MTMR9: variants seen among roughly 807,000 people sequenced by gnomAD.
The protein encoded by MTMR9 is myotubularin-related protein 9.
Under a neutral mutation model 69.5 loss-of-function variants are expected in MTMR9, and 39 were observed. The ratio of observed to expected loss-of-function variants is 0.56; its 90% CI spans 0.43 to 0.73. MTMR9 has a LOEUF of 0.73. Among genes scored for constraint, MTMR9 ranks in the 30% least tolerant of loss-of-function variants. The probability of loss-of-function intolerance (pLI) is 0.00; values close to 1 mark genes in which losing one functional copy is unlikely to be tolerated. For missense variants in MTMR9, 900 were observed against 671.2 expected (o/e 1.34, Z -3.77); for synonymous variants, 354 against 240.8 (o/e 1.47, Z -4.35).
At chr8:11,297,609 C>G (rs1431510047) in intron 2 of MTMR9, among the ~76,000 whole-genome samples, 1 of 150,744 alleles carries the variant, frequency 6.6e-6, no homozygotes, top group East Asian at 1.9e-4. Context: ...GAGAATTGAT[C>G]TGTAAGATGA....
chr8:11,330,233 C>G (rs533780003), downstream of MTMR9, among the ~76,000 whole-genome samples: 4 of 151,450 alleles, frequency 2.6e-5, no homozygotes, highest in East Asian at 7.9e-4. Context: ...GCCGCCCCGT[C>G]CGGGAGGGAG....
intron 1 of MTMR9, among the ~76,000 whole-genome samples, chr8:11,292,156 A>G (rs545954990): frequency 2.0e-5 from 3 of 152,286 alleles, no homozygotes; most frequent in East Asian, 3.9e-4. Context: ...CATGTTGTAT[A>G]TATCAATAGT....
At position 11,295,281 on chromosome 8, in the gene MTMR9, G is replaced by C. The variant is rs1196103459; in HGVS notation, c.270G>C (p.Leu90Phe). ...QLDIPGMEEC[L>F]NIASSIEALS... ...ATATTCCTGGAATGGAGGAATGCTT[G>C]AATATAGCCAGTTCCATTGAGGTAA... The change falls in exon 2 of 10, where the codon TTG becomes TTC. Residue 90 changes from leucine to phenylalanine, a missense_variant. Leu to Phe is a conservative substitution (Grantham distance 22). Coordinates refer to ENST00000221086, the MANE Select transcript of MTMR9 (RefSeq NM_015458.4). 1 of 1,600,278 alleles carries C rather than the reference G, an allele frequency of 6.2e-7. No individual in the cohort carries two copies. Among genetic ancestry groups the C allele is most frequent in the South Asian group, 1.1e-5 (1 of 90,340 alleles).
At position 11,285,001 on chromosome 8, in the gene MTMR9, T is replaced by C. The variant is rs369654482; in HGVS notation, c.113T>C (p.Leu38Pro). 17 of 1,613,610 alleles carry C rather than the reference T, an allele frequency of 1.1e-5. No individual in the cohort carries two copies. Among genetic ancestry groups the C allele is most frequent in the African/African-American group, 4.0e-5 (3 of 74,912 alleles). ...TGCCTGACGGGCCACCACTTGATCC[T>C]GTCCTCCCGGCAGGACAATACGGAG... is the stretch of plus-strand genomic sequence containing the variant. ...TLCLTGHHLILSSRQDNTEEL... is the reference protein window; with the variant it reads ...TLCLTGHHLIPSSRQDNTEEL... The change falls in exon 1 of 10, where the codon CTG becomes CCG. Residue 38 changes from leucine to proline, a missense_variant. Physicochemically the swap from Leu to Pro is moderately conservative, Grantham distance 98 (BLOSUM62 -3). Transcript: ENST00000221086.
chr8:11,331,340 C>T (rs772343710), downstream of MTMR9: 8 of 1,613,998 alleles, frequency 5.0e-6, no homozygotes, highest in South Asian at 1.1e-5. Context: ...GTCGATGCCT[C>T]TTCCACCTCC....
At position 11,311,159 on chromosome 8, in the gene MTMR9, C is replaced by G. The variant is rs182501815; in HGVS notation, c.971+1471C>G. On this transcript the variant is annotated intron_variant, in intron 6 of 9. Transcript: ENST00000221086. Reference sequence around the variant, plus strand: ...ATACACAGAAGCCTTAAAGTACATGCTCATCCCCTTCAGCCTAGTCATTAG... The same window carrying G: ...ATACACAGAAGCCTTAAAGTACATGGTCATCCCCTTCAGCCTAGTCATTAG... Among the ~76,000 whole-genome samples the G allele has an allele frequency of 2.6e-5, 4 of 152,238 alleles. No homozygotes were observed. In the East Asian group the frequency reaches 7.7e-4, roughly 29 times the overall value.
At chr8:11,286,373 G>C (rs1799155245) in intron 1 of MTMR9, among the ~76,000 whole-genome samples, 1 of 151,816 alleles carries the variant, frequency 6.6e-6, no homozygotes. Context: ...GCTGTATAAA[G>C]TCTTCAGTGG....
rs182176415 is a variant in MTMR9 at position 11,303,142 on chromosome 8, C to T, written c.418-1699C>T. Among the ~76,000 whole-genome samples the T allele has an allele frequency of 2.0e-3, 291 of 148,856 alleles. 1 individual carries two copies. The highest frequency in any genetic ancestry group is 6.9e-3 in the African/African-American group (277 of 40,028). ...AAGACCAAAAGACCAAGAGGAGCCA[C>T]GTTACTCTTTGAAGAACAAAAAGGT... On this transcript the variant is annotated intron_variant, in intron 3 of 9. Coordinates refer to ENST00000221086, the MANE Select transcript of MTMR9 (RefSeq NM_015458.4).
downstream of MTMR9, among the ~76,000 whole-genome samples, chr8:11,330,285 A>AG (rs1288516213): frequency 1.3e-5 from 2 of 148,678 alleles, no homozygotes; most frequent in African/African-American, 5.0e-5. Context: ...CCTGTCCGGG[A>AG]GGGAGGTGGG....
At chr8:11,336,362 C>T in the MTMR9 span, among the ~76,000 whole-genome samples, 1 of 152,244 alleles carries the variant, frequency 6.6e-6, no homozygotes, top group East Asian at 1.9e-4. Flanking sequence ...TCCTTTGGCT[C>T]TATGACCCAT....
Position 11,287,303 on chromosome 8 carries a change from T to A in MTMR9, c.182+2233T>A, listed in dbSNP as rs564437276. Among the ~76,000 whole-genome samples the A allele has an allele frequency of 3.9e-5, 6 of 152,334 alleles. No homozygotes were observed. In the East Asian group the frequency reaches 9.6e-4, roughly 24 times the overall value. On this transcript the variant is annotated intron_variant, in intron 1 of 9. Transcript: ENST00000221086. ...TACCTTTCCTTTCTTATTTACCTTT[T>A]ATGGTGGTTACTTTGCGCTCATTTG...
downstream of MTMR9, chr8:11,331,501 C>G (rs1801225502): frequency 6.2e-7 from 1 of 1,613,980 alleles, no homozygotes. Flanking sequence ...AACGCTGCCA[C>G]TGTTCGCAAA....
chr8:11,292,637 C>CT (rs986940484), intron 1 of MTMR9, among the ~76,000 whole-genome samples: 5 of 151,868 alleles, frequency 3.3e-5, no homozygotes, highest in African/African-American at 7.3e-5. Context: ...ATCCATATGT[C>CT]TTTTTTTTGC....
the MTMR9 span, among the ~76,000 whole-genome samples, chr8:11,335,392 G>A: frequency 3.9e-4 from 59 of 152,256 alleles, no homozygotes; most frequent in Non-Finnish European, 6.0e-4. Flanking sequence ...AGAAAGCTAC[G>A]AAGTTCTGAT....
intron 2 of MTMR9, 104 bp from the exon 3 acceptor site, chr8:11,299,919 C>T: frequency 1.6e-6 from 2 of 1,275,104 alleles, no homozygotes; most frequent in Non-Finnish European, 2.1e-6. Flanking sequence ...ATTCTGGGTG[C>T]CCATCATTAT....
intron 3 of MTMR9, among the ~76,000 whole-genome samples, chr8:11,303,518 G>A (rs955734236): frequency 6.6e-6 from 1 of 151,968 alleles, no homozygotes; most frequent in Non-Finnish European, 1.5e-5. Context: ...TTTAGAAACT[G>A]TGTTTTTTTT....
At chr8:11,295,525 C>G (rs1799524683) in intron 2 of MTMR9, among the ~76,000 whole-genome samples, 1 of 152,146 alleles carries the variant, frequency 6.6e-6, no homozygotes, top group South Asian at 2.1e-4. Flanking sequence ...TAGCTCAATT[C>G]CATGAGTTGC....
At chr8:11,296,351 C>T (rs926201967) in intron 2 of MTMR9, among the ~76,000 whole-genome samples, 1 of 151,982 alleles carries the variant, frequency 6.6e-6, no homozygotes, top group African/African-American at 2.4e-5. Context: ...ATTTGAGGGT[C>T]CTCTGTCATT....
At chr8:11,317,407 T>TC (rs1800468747) in intron 8 of MTMR9, 1 of 152,202 alleles carries the variant, frequency 6.6e-6, no homozygotes, top group Admixed American at 6.5e-5. Context: ...GTGAAACTGT[T>TC]CCATGTCAGA....
Sources: allele counts gnomAD v4.1 joint callset (sites outside exome capture counted in the v4.1 genomes callset), GRCh38; gene constraint gnomAD v4.1.1; transcripts MANE v1.5; gene names NCBI Gene and HGNC (gene_info 2026-07-23, HGNC 2026-07-21).